Variants in EPHB2 observed in about 807,000 individuals in gnomAD.
The protein encoded by EPHB2 is ephrin type-B receptor 2.
EPHB2 carries 18 observed loss-of-function variants against 96.4 expected under a neutral mutation model. That is an observed-to-expected ratio of 0.19 (90% CI 0.13 to 0.28). The LOEUF is 0.28. EPHB2 is among the 10% of genes least tolerant of loss of function. The pLI, the probability that EPHB2 is intolerant of heterozygous loss-of-function variation, is 1.00. For missense variants in EPHB2, 989 were observed against 1,355.4 expected (o/e 0.73, Z 4.25); for synonymous variants, 506 against 534.1 (o/e 0.95, Z 0.72).
At chr1:22,867,226 G>C (rs1450625417) in intron 5 of EPHB2, among the ~76,000 whole-genome samples, 1 of 152,232 alleles carries the variant, frequency 6.6e-6, no homozygotes, top group East Asian at 1.9e-4. Flanking sequence ...TGAGTGTGCT[G>C]TCATATGTGT....
chr1:22,892,461 G>A (rs1639419302), intron 6 of EPHB2, among the ~76,000 whole-genome samples: 1 of 152,128 alleles, frequency 6.6e-6, no homozygotes, highest in Non-Finnish European at 1.5e-5. Context: ...CAATAGGGGT[G>A]GCCCTGTTTC....
At chr1:22,849,520 T>C (rs1645593296) in intron 3 of EPHB2, among the ~76,000 whole-genome samples, 1 of 152,180 alleles carries the variant, frequency 6.6e-6, no homozygotes, top group African/African-American at 2.4e-5. Flanking sequence ...TTCAGAATGT[T>C]CTCTCAGACT....
At chr1:22,786,633 G>A (rs1002091034) in intron 3 of EPHB2, among the ~76,000 whole-genome samples, 6 of 152,236 alleles carry the variant, frequency 3.9e-5, no homozygotes, top group African/African-American at 1.4e-4. Context: ...CCAGAGACAG[G>A]AGGAAGGGGC....
At chr1:22,765,310 G>A (rs1644292516) in intron 1 of EPHB2, among the ~76,000 whole-genome samples, 1 of 152,100 alleles carries the variant, frequency 6.6e-6, no homozygotes, top group South Asian at 2.1e-4. Context: ...ACTTTAGGGG[G>A]CTGAGACGGA....
rs565855825 is a variant in EPHB2, at chr1:22,729,129, G to A, written c.61+18086G>A. Among the ~76,000 whole-genome samples the A allele has an allele frequency of 4.6e-5, 7 of 152,296 alleles. No individual in the cohort carries two copies. In the South Asian group the frequency reaches 1.5e-3, roughly 32 times the overall value. On this transcript the variant is annotated intron_variant, in intron 1 of 15. Coordinates refer to ENST00000374630, the MANE Select transcript of EPHB2 (RefSeq NM_017449.5). ...TACACCAAGGTTCCTGAACTTCTGG[G>A]CAGGTTGTAATTCTCTGTGACATCT...
intron 3 of EPHB2, among the ~76,000 whole-genome samples, chr1:22,799,557 G>C (rs1437848823): frequency 6.6e-6 from 1 of 152,196 alleles, no homozygotes; most frequent in African/African-American, 2.4e-5. Context: ...TGAGGTGTGT[G>C]GTCAGTAAAT....
rs117183533 is a variant in EPHB2, at chr1:22,837,228, G to T, written c.812-25809G>T. Among the ~76,000 whole-genome samples the T allele has an allele frequency of 2.9e-3, 440 of 152,300 alleles. 5 individuals carry two copies. The East Asian group carries it at 0.034, about 12-fold the overall frequency. ...TAAAGAAAGCAGCTCAGGCCTGAAG[G>T]GGGGAAGCCATTCTCCCACTGTCAC... On this transcript the variant is annotated intron_variant, in intron 3 of 15. Transcript: ENST00000374630.
At chr1:22,813,816 C>T (rs887759869) in intron 3 of EPHB2, among the ~76,000 whole-genome samples, 2 of 152,216 alleles carry the variant, frequency 1.3e-5, no homozygotes, top group African/African-American at 2.4e-5. Context: ...GTATTCTATT[C>T]ATCCCCCCTG....
At chr1:22,816,357 C>A (rs1645075129) in intron 3 of EPHB2, among the ~76,000 whole-genome samples, 1 of 152,158 alleles carries the variant, frequency 6.6e-6, no homozygotes, top group South Asian at 2.1e-4. Flanking sequence ...CCTACCCATG[C>A]CCCGTGGAAG....
intron 3 of EPHB2, among the ~76,000 whole-genome samples, chr1:22,838,777 A>G (rs1645421732): frequency 6.6e-6 from 1 of 152,038 alleles, no homozygotes; most frequent in Non-Finnish European, 1.5e-5. Flanking sequence ...AAAAAATACA[A>G]AAAATTAGCC....
intron 3 of EPHB2, among the ~76,000 whole-genome samples, chr1:22,801,174 G>A (rs868671302): frequency 3.9e-5 from 6 of 152,198 alleles, no homozygotes; most frequent in Admixed American, 2.0e-4. Flanking sequence ...CAGGGTGGTG[G>A]TGAAGATGTG....
chr1:22,785,121 T>G, intron 3 of EPHB2, 45 bp downstream of exon 3: 1 of 1,608,218 alleles, frequency 6.2e-7, no homozygotes, highest in Non-Finnish European at 8.5e-7. Flanking sequence ...TGCATAGAAC[T>G]GGTCTTGGCT....
intron 3 of EPHB2, among the ~76,000 whole-genome samples, chr1:22,802,938 G>C (rs2148450005): frequency 6.6e-6 from 1 of 152,324 alleles, no homozygotes; most frequent in Non-Finnish European, 1.5e-5. Flanking sequence ...GGTGCACAGA[G>C]AGGGTGGAGT....
intron 5 of EPHB2, among the ~76,000 whole-genome samples, chr1:22,876,002 G>A (rs1638824881): frequency 6.6e-6 from 1 of 152,136 alleles, no homozygotes; most frequent in Admixed American, 6.5e-5. Context: ...GGAGAGAGGG[G>A]GCAGGCAGAG....
At chr1:22,796,470 A>G (rs999631940) in intron 3 of EPHB2, among the ~76,000 whole-genome samples, 2 of 152,188 alleles carry the variant, frequency 1.3e-5, no homozygotes, top group Admixed American at 6.5e-5. Flanking sequence ...TGCTTGCCCA[A>G]TGAGACAACA....
chr1:22,777,631 C>G (rs1644470948), intron 1 of EPHB2, among the ~76,000 whole-genome samples: 2 of 152,084 alleles, frequency 1.3e-5, no homozygotes, highest in Non-Finnish European at 2.9e-5. Flanking sequence ...CTCAGGGCAC[C>G]CCAGGGAAAG....
chr1:22,820,390 G>A (rs1051293310), intron 3 of EPHB2, among the ~76,000 whole-genome samples: 1 of 152,112 alleles, frequency 6.6e-6, no homozygotes, highest in Non-Finnish European at 1.5e-5. Context: ...GCTGAGCGCG[G>A]TGGCTCACGC....
At chr1:22,797,224 C>G (rs1045154712) in intron 3 of EPHB2, among the ~76,000 whole-genome samples, 1 of 152,186 alleles carries the variant, frequency 6.6e-6, no homozygotes, top group African/African-American at 2.4e-5. Context: ...CTCATGAACA[C>G]ATTGATATCA....
At chr1:22,801,218 C>T (rs1191667362) in intron 3 of EPHB2, among the ~76,000 whole-genome samples, 1 of 152,218 alleles carries the variant, frequency 6.6e-6, no homozygotes, top group Non-Finnish European at 1.5e-5. Flanking sequence ...TGGAGGTTCT[C>T]TCTCATCTGT....
Sources: allele counts gnomAD v4.1 joint callset (sites outside exome capture counted in the v4.1 genomes callset), GRCh38; gene constraint gnomAD v4.1.1; transcripts MANE v1.5; gene names NCBI Gene and HGNC (gene_info 2026-07-23, HGNC 2026-07-21).